The following TAX1BP1 variants were observed in gnomAD, a reference collection of about 807,000 sequenced individuals.
TAX1BP1 encodes the protein Tax1 binding protein 1, also known as tax1-binding protein 1.
TAX1BP1 carries 62 observed loss-of-function variants against 97.7 expected under a neutral mutation model. The ratio of observed to expected loss-of-function variants is 0.63; its 90% CI spans 0.52 to 0.78. The LOEUF (loss-of-function observed/expected upper bound fraction) is 0.78, where lower values mean the gene tolerates loss of function less well. Among genes scored for constraint, TAX1BP1 ranks in the 30% least tolerant of loss-of-function variants. The probability of loss-of-function intolerance (pLI) is 0.00; values close to 1 mark genes in which losing one functional copy is unlikely to be tolerated. For missense variants in TAX1BP1, 867 were observed against 916.1 expected, an observed-to-expected ratio of 0.95 and a Z score of 0.69; for synonymous variants, 340 against 304.2, an observed-to-expected ratio of 1.12 and a Z score of -1.23.
At chr7:27,743,003 TTC>T (rs1480047492) in intron 1 of TAX1BP1, among the ~76,000 whole-genome samples, 1 of 152,236 alleles carries the variant, frequency 6.6e-6, no homozygotes, top group Non-Finnish European at 1.5e-5. Flanking sequence ...CTTTATGCAT[TTC>T]TGTCTTTTTA....
chr7:27,792,054 G>A lies in TAX1BP1; in HGVS notation c.1087G>A (p.Val363Ile). The change falls in exon 9 of 17, where the codon GTT becomes ATT. Residue 363 changes from valine to isoleucine, a missense_variant. By Grantham distance (29) the Val-to-Ile change is conservative. Coordinates refer to ENST00000396319, the MANE Select transcript of TAX1BP1 (RefSeq NM_006024.7). The part of the protein sequence containing the change: ...KEQLRKAEEQ[V>I]QATRQEVVFL... ...GCAACTTCGTAAAGCAGAGGAACAG[G>A]TTCAGGCAACTCGGCAAGAAGTTGT... The A allele has an allele frequency of 1.2e-6, 2 of 1,614,094 alleles. No homozygotes were observed. The highest frequency in any genetic ancestry group is 1.7e-6 in the Non-Finnish European group (2 of 1,180,016).
intron 3 of TAX1BP1, among the ~76,000 whole-genome samples, chr7:27,762,683 T>C (rs1178707948): frequency 6.6e-6 from 1 of 152,196 alleles, no homozygotes; most frequent in Non-Finnish European, 1.5e-5. Context: ...ACATGGTGGC[T>C]CACACTTCTA....
At chr7:27,743,511 A>G (rs1787694881) in intron 1 of TAX1BP1, among the ~76,000 whole-genome samples, 1 of 152,226 alleles carries the variant, frequency 6.6e-6, no homozygotes, top group Admixed American at 6.5e-5. Context: ...CAAAGCGTTC[A>G]TATTCTAAAA....
chr7:27,786,734 C>T (rs1282065615), intron 7 of TAX1BP1, among the ~76,000 whole-genome samples: 1 of 152,178 alleles, frequency 6.6e-6, no homozygotes, highest in East Asian at 1.9e-4. Context: ...AGTCCTTCAG[C>T]ATTCTGTATA....
intron 3 of TAX1BP1, among the ~76,000 whole-genome samples, chr7:27,765,007 C>CTGTTT (rs1256235483): frequency 9.0e-3 from 7 of 780 alleles, no homozygotes; most frequent in African/African-American, 0.032. Context: ...CCTCTCCTCT[C>CTGTTT]TGTTTTTTTT....
At chr7:27,791,036 A>G (rs1015404633) in intron 8 of TAX1BP1, among the ~76,000 whole-genome samples, 3 of 152,116 alleles carry the variant, frequency 2.0e-5, no homozygotes, top group Non-Finnish European at 2.9e-5. Flanking sequence ...AAAGTTATTT[A>G]TATCAAGTAT....
rs1010973102 is a variant in TAX1BP1, at chr7:27,747,799, G to A, written c.-7-719G>A. The stretch of plus-strand genomic sequence containing the variant: ...TGTAGGGGCAGGGCTATGTATATTC[G>A]TATACACACCCACAGACACACATGC... On this transcript the variant is annotated intron_variant, in intron 1 of 16. Coordinates refer to ENST00000396319, the MANE Select transcript of TAX1BP1 (RefSeq NM_006024.7). Among the ~76,000 whole-genome samples, 5 of 151,696 alleles carry A rather than the reference G, an allele frequency of 3.3e-5. No individual in the cohort carries two copies. The East Asian group carries it at 7.7e-4, about 23-fold the overall frequency.
At position 27,779,170 on chromosome 7, in the gene TAX1BP1, A is replaced by G. The variant is rs547082710; in HGVS notation, c.613-5993A>G. The stretch of plus-strand genomic sequence containing the variant: ...CTTGATGTAAAATTTTCTTTTTAAA[A>G]TATAGAGACAAGGCCTCACTATGTT... On this transcript the variant is annotated intron_variant, in intron 5 of 16. Coordinates refer to ENST00000396319, the MANE Select transcript of TAX1BP1 (RefSeq NM_006024.7). Among the ~76,000 whole-genome samples the G allele has an allele frequency of 3.3e-5, 5 of 152,266 alleles. No homozygotes were observed. The East Asian group carries it at 7.7e-4, about 24-fold the overall frequency.
In TAX1BP1 at chr7:27,793,013, A is replaced by G. The variant is rs1040213451; in HGVS notation, c.1264-53A>G. 1.2e-5 allele frequency: 18 copies of G among 1,478,524 alleles called. No homozygotes were observed. The African/African-American group carries it at 2.4e-4, about 20-fold the overall frequency. The allele number at this position is 1,478,524 out of a possible 1,614,324, so 91.6% of individuals were successfully genotyped here. On this transcript the variant is annotated intron_variant, in intron 9 of 16. Coordinates refer to ENST00000396319, the MANE Select transcript of TAX1BP1 (RefSeq NM_006024.7). ...GATTGAAGTTGGGGTTACTATTAACATTAGGAGGTATCAGATTTTTATTTT... is the reference window on the plus strand; with the variant it reads ...GATTGAAGTTGGGGTTACTATTAACGTTAGGAGGTATCAGATTTTTATTTT...
chr7:27,765,241 C>G (rs1788588840), intron 3 of TAX1BP1, among the ~76,000 whole-genome samples: 1 of 151,124 alleles, frequency 6.6e-6, no homozygotes, highest in South Asian at 2.1e-4. Flanking sequence ...GTCTCTAACT[C>G]CAGGTGGGCT....
Position 27,816,339 on chromosome 7 carries a change from T to C in TAX1BP1, c.1765-10T>C, listed in dbSNP as rs1435303921. On this transcript the variant is annotated splice_polypyrimidine_tract_variant and intron_variant, in intron 13 of 16. Transcript: ENST00000396319. ...CTTTGCTTATTCATCTTTGTTTTTG[T>C]TAATTTTAGGAACTTAAAAGGAGTC... 1 of 1,550,584 alleles carries C rather than the reference T, an allele frequency of 6.4e-7. No homozygotes were observed. Among genetic ancestry groups the C allele is most frequent in the Non-Finnish European group, 8.6e-7 (1 of 1,159,716 alleles).
intron 5 of TAX1BP1, among the ~76,000 whole-genome samples, chr7:27,780,374 CT>C (rs1789205784): frequency 6.6e-6 from 1 of 152,118 alleles, no homozygotes; most frequent in Admixed American, 6.6e-5. Flanking sequence ...GCTGTGTAAC[CT>C]TTGATAAACT....
At chr7:27,756,912 T>C (rs990466528) in intron 2 of TAX1BP1, among the ~76,000 whole-genome samples, 3 of 152,146 alleles carry the variant, frequency 2.0e-5, no homozygotes, top group Non-Finnish European at 4.4e-5. Flanking sequence ...AGCATGCAGA[T>C]ACACCAGAAA....
At chr7:27,818,499 C>G (rs1472561905) in intron 15 of TAX1BP1, among the ~76,000 whole-genome samples, 1 of 152,080 alleles carries the variant, frequency 6.6e-6, no homozygotes, top group African/African-American at 2.4e-5. Flanking sequence ...TTCTGTTTCT[C>G]TGCCCTGGGA....
At chr7:27,824,195 CATGT>C (rs1397095352) in intron 15 of TAX1BP1, among the ~76,000 whole-genome samples, 20 of 152,074 alleles carry the variant, frequency 1.3e-4, no homozygotes, top group African/African-American at 4.8e-4. Flanking sequence ...GAGGAACTAC[CATGT>C]ATGATCATGA....
chr7:27,750,350 T>C (rs1787975704), intron 2 of TAX1BP1, among the ~76,000 whole-genome samples: 1 of 152,266 alleles, frequency 6.6e-6, no homozygotes, highest in African/African-American at 2.4e-5. Flanking sequence ...GAACATTTTA[T>C]GTTTTGGATT....
chr7:27,759,522 T>A (rs1223265239), intron 3 of TAX1BP1, among the ~76,000 whole-genome samples: 1 of 152,142 alleles, frequency 6.6e-6, no homozygotes, highest in African/African-American at 2.4e-5. Context: ...ATTTTCTGTA[T>A]CCTTTAACCC....
chr7:27,819,233 T>A (rs1035569889), intron 15 of TAX1BP1, among the ~76,000 whole-genome samples: 2 of 151,562 alleles, frequency 1.3e-5, no homozygotes, highest in Non-Finnish European at 2.9e-5. Context: ...GACCGTTAAG[T>A]ATTTGTCTTC....
At position 27,815,600 on chromosome 7, in the gene TAX1BP1, A is replaced by C. The variant is rs184388039; in HGVS notation, c.1765-749A>C. On this transcript the variant is annotated intron_variant, in intron 13 of 16. Transcript: ENST00000396319. ...GGATAAGGTCTCTAGTTTTTTTGTG[A>C]AATCCTTGTTTTTGGTATCAGAATA... Among the ~76,000 whole-genome samples, 9 of 152,218 alleles carry C rather than the reference A, an allele frequency of 5.9e-5. 1 individual carries two copies. In the East Asian group the frequency reaches 1.2e-3, roughly 20 times the overall value.
Sources: gnomAD v4.1 joint callset for allele counts (sites outside exome capture counted in the v4.1 genomes callset) on GRCh38, gnomAD v4.1.1 for gene constraint, MANE v1.5 for transcripts, NCBI Gene and HGNC (gene_info 2026-07-23, HGNC 2026-07-21) for gene names.